Variants in JMJD1C observed in about 807,000 individuals in gnomAD.
JMJD1C encodes the protein jumonji domain containing 1C.
A neutral mutation model predicts 245.3 loss-of-function variants in JMJD1C; 31 were observed. The ratio of observed to expected loss-of-function variants is 0.13; its 90% CI spans 0.09 to 0.17. JMJD1C has a LOEUF of 0.17. Ranked by LOEUF, JMJD1C falls within the 10% of genes least tolerant of loss-of-function variation. The probability of loss-of-function intolerance (pLI) is 1.00; values close to 1 mark genes in which losing one functional copy is unlikely to be tolerated. For missense variants in JMJD1C, 2,691 were observed against 3,000.2 expected (o/e 0.90, Z 2.41); for synonymous variants, 1,057 against 1,017.4 (o/e 1.04, Z -0.74).
chr10:63,225,190 A>G (rs1280831627), intron 3 of JMJD1C, among the ~76,000 whole-genome samples: 1 of 152,198 alleles, frequency 6.6e-6, no homozygotes, highest in East Asian at 1.9e-4. Context: ...TTTTTCAAAA[A>G]CAAGTCACCT....
At chr10:63,452,905 A>C (rs1035801525) in intron 1 of JMJD1C, among the ~76,000 whole-genome samples, 1 of 152,186 alleles carries the variant, frequency 6.6e-6, no homozygotes, top group Non-Finnish European at 1.5e-5. Context: ...TTGGGATGAT[A>C]AACTTCTGAC....
At chr10:63,193,617 TCTTCC>T in intron 14 of JMJD1C, 145 bp from the exon 15 acceptor site, 1 of 550,474 alleles carries the variant, frequency 1.8e-6, no homozygotes, top group East Asian at 3.2e-5. Context: ...TTCTCCATTC[TCTTCC>T]ATCTATTACA....
intron 3 of JMJD1C, among the ~76,000 whole-genome samples, chr10:63,228,211 AAAAAATACCAT>A (rs201987977): frequency 0.022 from 3,295 of 152,344 alleles, 58 homozygotes; most frequent in Non-Finnish European, 0.034. Context: ...AAAGTAGCTA[AAAAAATACCAT>A]AAAAATACAT....
intron 3 of JMJD1C, among the ~76,000 whole-genome samples, chr10:63,258,819 T>C (rs1854320703): frequency 6.6e-6 from 1 of 150,474 alleles, no homozygotes; most frequent in Admixed American, 6.7e-5. Flanking sequence ...GATCATTACT[T>C]ACAAGACTTT....
intron 1 of JMJD1C, chr10:63,521,616 C>T: frequency 1.5e-6 from 2 of 1,368,682 alleles, no homozygotes; most frequent in South Asian, 1.6e-5. Context: ...CGGCGCGAGG[C>T]CCAGGGGAGC....
Position 63,167,538 on chromosome 10 carries a change from T to A in JMJD1C, c.*507A>T, listed in dbSNP as rs1841967241. The A allele has an allele frequency of 6.5e-6, 1 of 152,836 alleles. No homozygotes were observed. The highest frequency in any genetic ancestry group is 6.5e-5 in the Admixed American group (1 of 15,298). 9.5% of individuals were successfully genotyped at this position (152,836 alleles called of 1,614,324 possible). On this transcript the variant is annotated 3_prime_UTR_variant, in exon 26 of 26. Transcript: ENST00000399262. ...TATCTACTTTATATACTTTATACTT[T>A]ACAAATTTTACAATTATTTGGCAGT...
intron 16 of JMJD1C, among the ~76,000 whole-genome samples, chr10:63,191,917 G>A (rs1345766359): frequency 1.5e-5 from 2 of 134,804 alleles, no homozygotes; most frequent in Middle Eastern, 4.1e-3. Context: ...CCTGAAGTCA[G>A]AGGTTGCAGT....
chr10:63,332,017 C>A (rs1942208762), intron 2 of JMJD1C, among the ~76,000 whole-genome samples: 1 of 152,188 alleles, frequency 6.6e-6, no homozygotes, highest in Non-Finnish European at 1.5e-5. Context: ...GCCTATTCTT[C>A]ACTTAAATAT....
intron 3 of JMJD1C, among the ~76,000 whole-genome samples, chr10:63,238,445 T>C (rs1279281037): frequency 6.6e-6 from 1 of 152,162 alleles, no homozygotes; most frequent in Non-Finnish European, 1.5e-5. Flanking sequence ...GGAGTTTATA[T>C]AACATAATTT....
chr10:63,233,751 G>A (rs974102275), intron 3 of JMJD1C, among the ~76,000 whole-genome samples: 30 of 53,752 alleles, frequency 5.6e-4, no homozygotes, highest in Non-Finnish European at 8.4e-4. Flanking sequence ...ATCCACACAC[G>A]CGCGTGCACA....
intron 4 of JMJD1C, 64 bp downstream of exon 4, chr10:63,219,814 A>T: frequency 1.7e-6 from 2 of 1,164,950 alleles, no homozygotes; most frequent in Non-Finnish European, 2.6e-6. Context: ...TTGAATAACC[A>T]AAAACAAATA....
chr10:63,269,772 T>C (rs1443209776), intron 2 of JMJD1C, among the ~76,000 whole-genome samples: 1 of 152,208 alleles, frequency 6.6e-6, no homozygotes, highest in African/African-American at 2.4e-5. Context: ...CAACTTAACC[T>C]AGATAGTTCT....
At chr10:63,182,592 G>A (rs1010269187) in intron 22 of JMJD1C, among the ~76,000 whole-genome samples, 1 of 152,180 alleles carries the variant, frequency 6.6e-6, no homozygotes, top group African/African-American at 2.4e-5. Context: ...CTATTGTACA[G>A]AGAAAAAGCC....
intron 2 of JMJD1C, among the ~76,000 whole-genome samples, chr10:63,351,479 A>C (rs1944356928): frequency 6.6e-6 from 1 of 152,208 alleles, no homozygotes; most frequent in Admixed American, 6.5e-5. Flanking sequence ...GAGGTCTATT[A>C]TAATTCCTAG....
Position 63,182,739 on chromosome 10 carries a change from C to CCCCCTA in JMJD1C, c.7084+707_7084+708insTAGGGG, listed in dbSNP as rs569119043. Among the ~76,000 whole-genome samples the CCCCCTA allele has an allele frequency of 2.6e-3, 395 of 152,264 alleles. 2 individuals carry two copies. The highest frequency in any genetic ancestry group is 8.9e-3 in the African/African-American group (371 of 41,554). On this transcript the variant is annotated intron_variant, in intron 22 of 25. Transcript: ENST00000399262. ...ATATACTGGATAGAAAGAGAAAAGA[C>CCCCCTA]CCCCTTCTTCCTCTTTTTACTGGAG...
chr10:63,285,441 T>G (rs1458509853), intron 2 of JMJD1C, among the ~76,000 whole-genome samples: 1 of 152,206 alleles, frequency 6.6e-6, no homozygotes, highest in African/African-American at 2.4e-5. Context: ...CCTTGCCCTC[T>G]GAGTCCATAA....
At chr10:63,366,600 G>C (rs765363997) in intron 2 of JMJD1C, among the ~76,000 whole-genome samples, 1 of 152,156 alleles carries the variant, frequency 6.6e-6, no homozygotes, top group Non-Finnish European at 1.5e-5. Context: ...GAAAGAATGA[G>C]GGATGACAAA....
At chr10:63,254,241 A>G (rs1358288848) in intron 3 of JMJD1C, among the ~76,000 whole-genome samples, 4 of 152,034 alleles carry the variant, frequency 2.6e-5, no homozygotes, top group African/African-American at 9.7e-5. Context: ...TAGACAGCTG[A>G]AAAAAAAGAG....
intron 1 of JMJD1C, among the ~76,000 whole-genome samples, chr10:63,507,232 C>T (rs569908518): frequency 1.3e-5 from 2 of 152,254 alleles, no homozygotes; most frequent in South Asian, 4.1e-4. Flanking sequence ...CATTTGCGTG[C>T]AGGTTTTTGC....
Sources: gnomAD v4.1 joint callset for allele counts (sites outside exome capture counted in the v4.1 genomes callset) on GRCh38, gnomAD v4.1.1 for gene constraint, MANE v1.5 for transcripts, NCBI Gene and HGNC (gene_info 2026-07-23, HGNC 2026-07-21) for gene names.